The following CNTNAP5 variants were observed in gnomAD, a reference collection of about 807,000 sequenced individuals.
CNTNAP5 encodes the protein contactin-associated protein-like 5.
A neutral mutation model predicts 150.2 loss-of-function variants in CNTNAP5; 72 were observed. The ratio of observed to expected loss-of-function variants is 0.48; its 90% confidence interval spans 0.40 to 0.58. The LOEUF (loss-of-function observed/expected upper bound fraction) is 0.58. Among genes scored for constraint, CNTNAP5 ranks in the 20% least tolerant of loss-of-function variants. CNTNAP5 has a pLI of 0.00. For synonymous variants in CNTNAP5, 672 were observed against 619.8 expected, an observed-to-expected ratio of 1.08 and a Z score of -1.25; for missense variants, 1,636 against 1,626.2, an observed-to-expected ratio of 1.01 and a Z score of -0.10.
chr2:124,119,549 T>A (rs1683512137), intron 1 of CNTNAP5, among the ~76,000 whole-genome samples: 1 of 152,162 alleles, frequency 6.6e-6, no homozygotes, highest in Non-Finnish European at 1.5e-5. Flanking sequence ...GATAGTAATT[T>A]TTGAGCAAAA....
chr2:124,197,847 G>A (rs1256633430), intron 1 of CNTNAP5, among the ~76,000 whole-genome samples: 4 of 151,952 alleles, frequency 2.6e-5, no homozygotes, highest in Admixed American at 2.6e-4. Context: ...CAGGAGTGGT[G>A]GCGGGTGCCT....
At chr2:124,808,534 G>A (rs1194736716) in intron 19 of CNTNAP5, among the ~76,000 whole-genome samples, 1 of 150,862 alleles carries the variant, frequency 6.6e-6, no homozygotes, top group Non-Finnish European at 1.5e-5. Context: ...GTTGCAGCGA[G>A]CCAAGATTGC....
chr2:124,334,232 T>G (rs182252654), intron 3 of CNTNAP5, among the ~76,000 whole-genome samples: 106 of 152,260 alleles, frequency 7.0e-4, no homozygotes, highest in African/African-American at 2.5e-3. Flanking sequence ...TGTTTTCTAT[T>G]GGTAATTTTT....
Position 124,025,320 on chromosome 2 carries a change from GGC to G in CNTNAP5, c.-330_-329del. The G allele has an allele frequency of 6.5e-6, 2 of 308,428 alleles. No individual in the cohort carries two copies. The highest frequency in any genetic ancestry group is 4.0e-5 in the Admixed American group (1 of 24,722). The allele number at this position is 308,428 out of a possible 1,614,324, so 19.1% of individuals were successfully genotyped here. A position where few individuals can be genotyped will look rare whatever the true frequency, so the allele number is the denominator to read the frequency against. The stretch of plus-strand genomic sequence containing the variant: ...CTCTCGCGCCCGACGAGGTGGATTT[GGC>G]TGTCCACCGAGCTCCGGCGCCTGTC... On this transcript the variant is annotated 5_prime_UTR_variant, in exon 1 of 24. Coordinates refer to ENST00000682447, the MANE Select transcript of CNTNAP5 (RefSeq NM_001367498.1).
chr2:124,631,366 C>G (rs888881261), intron 12 of CNTNAP5, among the ~76,000 whole-genome samples: 3 of 152,058 alleles, frequency 2.0e-5, no homozygotes, highest in Non-Finnish European at 4.4e-5. Flanking sequence ...GGTATTGCTA[C>G]AAAAACAGGC....
At chr2:124,835,597 G>A (rs1462362468) in intron 19 of CNTNAP5, among the ~76,000 whole-genome samples, 1 of 151,986 alleles carries the variant, frequency 6.6e-6, no homozygotes, top group Non-Finnish European at 1.5e-5. Flanking sequence ...ATCCAACCCT[G>A]GAATGGCATT....
intron 1 of CNTNAP5, among the ~76,000 whole-genome samples, chr2:124,137,344 T>C (rs1280179968): frequency 1.3e-5 from 2 of 152,088 alleles, no homozygotes; most frequent in South Asian, 4.1e-4. Flanking sequence ...CCAAACTTTA[T>C]TTGCATATAA....
At chr2:124,887,031 ATTTGGAG>A (rs1678095752) in intron 21 of CNTNAP5, among the ~76,000 whole-genome samples, 1 of 152,034 alleles carries the variant, frequency 6.6e-6, no homozygotes, top group African/African-American at 2.4e-5. Flanking sequence ...AAAATATGGA[ATTTGGAG>A]TCTTATGCCA....
intron 11 of CNTNAP5, among the ~76,000 whole-genome samples, chr2:124,583,717 T>A (rs979881718): frequency 2.0e-5 from 3 of 152,156 alleles, no homozygotes; most frequent in Non-Finnish European, 2.9e-5. Context: ...ATCCACTACA[T>A]CCACTGTTGC....
chr2:124,505,235 G>A (rs905630), intron 8 of CNTNAP5, among the ~76,000 whole-genome samples: 129,289 of 152,020 alleles, frequency 0.85, 55,144 homozygotes, highest in East Asian at 1. Flanking sequence ...CCATGCTTAC[G>A]GAAGGAAGTT....
chr2:124,609,730 A>G, intron 11 of CNTNAP5, 71 bp from the exon 12 acceptor site: 1 of 1,543,680 alleles, frequency 6.5e-7, no homozygotes, highest in Non-Finnish European at 8.8e-7. Flanking sequence ...TCTAAGTAGG[A>G]GTTACTGATT....
intron 19 of CNTNAP5, among the ~76,000 whole-genome samples, chr2:124,839,664 T>A (rs972272819): frequency 3.9e-5 from 6 of 152,100 alleles, no homozygotes; most frequent in Admixed American, 6.6e-5. Context: ...CTTAAGAACA[T>A]TTACTGATTC....
At chr2:124,053,044 G>A (rs940315084) in intron 1 of CNTNAP5, among the ~76,000 whole-genome samples, 2 of 127,904 alleles carry the variant, frequency 1.6e-5, no homozygotes, top group African/African-American at 3.1e-5. Context: ...CTTCCTCTGC[G>A]TACCTTGATC....
chr2:124,485,631 A>AAAAAAAAAAAAAAAAAAAAAAAAAAAAAG (rs1457112306), intron 7 of CNTNAP5, among the ~76,000 whole-genome samples: 1 of 134,200 alleles, frequency 7.5e-6, no homozygotes, highest in Non-Finnish European at 1.5e-5. Flanking sequence ...AAAAAAAAAA[A>AAAAAAAAAAAAAAAAAAAAAAAAAAAAAG]AAAGAAGAAG....
chr2:124,075,068 A>G (rs752719819), intron 1 of CNTNAP5, among the ~76,000 whole-genome samples: 21 of 152,256 alleles, frequency 1.4e-4, no homozygotes, highest in Non-Finnish European at 2.4e-4. Context: ...TTAAAAATGT[A>G]CTTTTTTTAC....
chr2:124,107,873 T>C (rs1683203050), intron 1 of CNTNAP5, among the ~76,000 whole-genome samples: 2 of 152,210 alleles, frequency 1.3e-5, no homozygotes, highest in South Asian at 2.1e-4. Context: ...TCAATCAATA[T>C]ATGTAAGATG....
At chr2:124,149,800 A>G (rs1684359540) in intron 1 of CNTNAP5, among the ~76,000 whole-genome samples, 1 of 152,206 alleles carries the variant, frequency 6.6e-6, no homozygotes, top group South Asian at 2.1e-4. Context: ...AACAGCTCGC[A>G]GCTGGCCGGG....
At chr2:124,362,765 G>A (rs1477248019) in intron 3 of CNTNAP5, among the ~76,000 whole-genome samples, 2 of 152,130 alleles carry the variant, frequency 1.3e-5, no homozygotes, top group Non-Finnish European at 2.9e-5. Context: ...GAAGAGTTCA[G>A]TTCCCTTAGC....
chr2:124,080,937 T>C (rs1220136368), intron 1 of CNTNAP5, among the ~76,000 whole-genome samples: 1 of 152,140 alleles, frequency 6.6e-6, no homozygotes, highest in Non-Finnish European at 1.5e-5. Context: ...ATCCTTGACA[T>C]GTTTGTTAGA....
Sources: allele counts gnomAD v4.1 joint callset (sites outside exome capture counted in the v4.1 genomes callset), GRCh38; gene constraint gnomAD v4.1.1; transcripts MANE v1.5; gene names NCBI Gene and HGNC (gene_info 2026-07-23, HGNC 2026-07-21).